Variants in NAT16 observed in about 807,000 individuals in gnomAD.
NAT16 encodes the protein probable N-acetyltransferase 16.
A neutral mutation model predicts 15.9 loss-of-function variants in NAT16; 16 were observed. The ratio of observed to expected loss-of-function variants is 1.01; its 90% CI spans 0.68 to 1.53. The LOEUF (loss-of-function observed/expected upper bound fraction) is 1.53. Ranked by LOEUF, NAT16 falls within the 40% of genes most tolerant of loss-of-function variation. The probability of loss-of-function intolerance (pLI) is 0.00; values close to 1 mark genes in which losing one functional copy is unlikely to be tolerated. For missense variants in NAT16, 572 were observed against 508.4 expected (o/e 1.13, Z -1.20); for synonymous variants, 260 against 241.9 (o/e 1.07, Z -0.69).
At chr7:101,177,558 C>A (rs1362665920) in intron 1 of NAT16, among the ~76,000 whole-genome samples, 2 of 152,078 alleles carry the variant, frequency 1.3e-5, no homozygotes, top group Non-Finnish European at 1.5e-5. Context: ...CACTATTTTG[C>A]CCAGGCTGGT....
Position 101,173,503 on chromosome 7 carries a change from C to T in NAT16, c.330G>A (p.Val110=). ...CCGTCTCCCCGGCGTCGATCACGTT[C>T]ACCGACTCCAGCGCGATCTGCGGAC... ...RNGGVIALES[V]NVIDAGETVL... Residue 110 remains valine, a synonymous_variant, in exon 3 of 4, where the codon GTG becomes GTA. Transcript: ENST00000300303. The T allele has an allele frequency of 1.2e-6, 2 of 1,602,100 alleles. No homozygotes were observed. Among genetic ancestry groups the T allele is most frequent in the Non-Finnish European group, 1.7e-6 (2 of 1,173,364 alleles).
intron 2 of NAT16, 54 bp from the exon 3 acceptor site, chr7:101,173,574 G>A (rs1797394887): frequency 6.9e-7 from 1 of 1,440,664 alleles, no homozygotes; most frequent in Non-Finnish European, 9.2e-7. Context: ...CCCTGCCAGG[G>A]CTGTCGGTTC....
At position 101,174,590 on chromosome 7, in the gene NAT16, A is replaced by T; in HGVS notation, c.218T>A (p.Ile73Asn). 3 of 1,614,102 alleles carry T rather than the reference A, an allele frequency of 1.9e-6. No homozygotes were observed. Among genetic ancestry groups the T allele is most frequent in the Non-Finnish European group, 2.5e-6 (3 of 1,179,994 alleles). ...AGGAAGGTAGTCCAGGCCGCCGTAG[A>T]TGCCCCCCGAGATGGCCAGCACTTC... ...FEEVLAISGG[I>N]YGGLDYLPSR... Residue 73 changes from isoleucine to asparagine, a missense_variant, in exon 2 of 4, where the codon ATC (isoleucine) becomes AAC (asparagine). Ile to Asn is a moderately radical substitution (Grantham distance 149, BLOSUM62 -3). Transcript: ENST00000300303.
chr7:101,175,276 A>C (rs973172097), intron 1 of NAT16, among the ~76,000 whole-genome samples: 5 of 143,096 alleles, frequency 3.5e-5, no homozygotes, highest in South Asian at 2.2e-4. Context: ...TCTTCTTCTT[A>C]TTTTTTTTTT....
chr7:101,177,011 G>C (rs534414728), intron 1 of NAT16, among the ~76,000 whole-genome samples: 1 of 152,064 alleles, frequency 6.6e-6, no homozygotes, highest in South Asian at 2.1e-4. Flanking sequence ...GCCTAAACGC[G>C]GTATGCTTGC....
At chr7:101,177,548 C>T (rs1479711809) in intron 1 of NAT16, among the ~76,000 whole-genome samples, 1 of 151,926 alleles carries the variant, frequency 6.6e-6, no homozygotes, top group Non-Finnish European at 1.5e-5. Flanking sequence ...ATGGGGGTCC[C>T]ACTATTTTGC....
In NAT16 at chr7:101,174,656, T is replaced by A; in HGVS notation, c.152A>T (p.Glu51Val). ...CGTGGCCACCACGAAGTCCAATGGC[T>A]CGGCCTCAGCCTCAGGCCCCGATCC... is the stretch of plus-strand genomic sequence containing the variant. Reference protein sequence around the residue: ...RSGSGPEAEAEPLDFVVATER... With the variant: ...RSGSGPEAEAVPLDFVVATER... The change falls in exon 2 of 4, where the codon GAG becomes GTG. Residue 51 changes from glutamate (E) to valine (V), a missense_variant. By Grantham distance (121) the Glu-to-Val change is moderately radical. Coordinates refer to ENST00000300303, the MANE Select transcript of NAT16 (RefSeq NM_198571.3). 6.2e-7 allele frequency: 1 copy of A among 1,613,808 alleles called. No homozygotes were observed. The highest frequency in any genetic ancestry group is 8.5e-7 in the Non-Finnish European group (1 of 1,179,888).
At position 101,172,040 on chromosome 7, in the gene NAT16, G is replaced by T; in HGVS notation, c.*39C>A. On this transcript the variant is annotated 3_prime_UTR_variant, in exon 4 of 4. Transcript: ENST00000300303. The surrounding 1 kb of genome is among the most constrained non-coding windows in gnomAD (Gnocchi z 4.2). ...GGCTGGCTGGGGAAACTGCGGAAGGGGGCGGGTCTTTTTCCCCCTCCCCGC... is the reference window on the plus strand; with the variant it reads ...GGCTGGCTGGGGAAACTGCGGAAGGTGGCGGGTCTTTTTCCCCCTCCCCGC... 7.1e-7 allele frequency: 1 copy of T among 1,414,668 alleles called. No homozygotes were observed. Among genetic ancestry groups the T allele is most frequent in the Non-Finnish European group, 9.8e-7 (1 of 1,015,554 alleles). The allele number at this position is 1,414,668 out of a possible 1,614,324, so 87.6% of individuals were successfully genotyped here.
Position 101,174,735 on chromosome 7 carries a change from C to A in NAT16, c.73G>T (p.Ala25Ser), listed in dbSNP as rs752553136. 9.9e-6 allele frequency: 16 copies of A among 1,608,814 alleles called. No homozygotes were observed. Among genetic ancestry groups the A allele is most frequent in the Non-Finnish European group, 1.4e-5 (16 of 1,179,122 alleles). The change falls in exon 2 of 4, where the codon GCA (alanine) becomes TCA (serine). Residue 25 changes from alanine to serine, a missense_variant. Physicochemically the swap from Ala to Ser is moderately conservative, Grantham distance 99. Transcript: ENST00000300303. The stretch of plus-strand genomic sequence containing the variant: ...GGCCGGGTTTCAGAGCTTGGCTCTG[C>A]ATCTCGGGCAGTCTTCTTTTCCGGC... ...PKPEKKTARD[A>S]EPSSETRPQE...
At chr7:101,177,486 G>T (rs1454244436) in intron 1 of NAT16, among the ~76,000 whole-genome samples, 1 of 152,096 alleles carries the variant, frequency 6.6e-6, no homozygotes, top group African/African-American at 2.4e-5. Context: ...AGGACTACAG[G>T]CATGTGCCAC....
Position 101,171,969 on chromosome 7 carries a change from A to G in NAT16, c.*110T>C. On this transcript the variant is annotated 3_prime_UTR_variant, in exon 4 of 4. Coordinates refer to ENST00000300303, the MANE Select transcript of NAT16 (RefSeq NM_198571.3). ...CGGTAAGGGCAGGAGGGCAGGAGTC[A>G]GAGGGGACTTCCCAGGAGACGCAGC... The G allele has an allele frequency of 1.3e-6, 1 of 745,400 alleles. No individual in the cohort carries two copies. Among genetic ancestry groups the G allele is most frequent in the Non-Finnish European group, 2.2e-6 (1 of 444,902 alleles). 46.2% of individuals were successfully genotyped at this position (745,400 alleles called of 1,614,324 possible). A position where few individuals can be genotyped will look rare whatever the true frequency, so the allele number is the denominator to read the frequency against.
At position 101,172,432 on chromosome 7, in the gene NAT16, C is replaced by A; in HGVS notation, c.757G>T (p.Glu253Ter). The A allele has an allele frequency of 6.3e-7, 1 of 1,593,990 alleles. No homozygotes were observed. Among genetic ancestry groups the A allele is most frequent in the Non-Finnish European group, 8.5e-7 (1 of 1,173,404 alleles). The part of the protein sequence containing the change: ...IQDWQPYRPS[E>*]SNLRLLAAKG... Reference sequence around the variant, plus strand: ...GCCGCCAGCAGGCGCAGGTTGCTTTCGCTAGGCCGGTAGGGCTGCCAGTCC... The same window carrying A: ...GCCGCCAGCAGGCGCAGGTTGCTTTAGCTAGGCCGGTAGGGCTGCCAGTCC... The change falls in exon 4 of 4, where the codon GAA becomes TAA. Residue 253 changes from glutamate (E) to a stop codon, truncating the protein, a stop_gained. Transcript: ENST00000300303. LOFTEE classifies it low-confidence loss of function (END_TRUNC). The surrounding 1 kb of genome is among the most constrained non-coding windows in gnomAD (Gnocchi z 4.2).
Position 101,171,729 on chromosome 7 carries a change from C to G in NAT16, c.*350G>C. Reference sequence around the variant, plus strand: ...GCCAGGAAAGGGGGAGTTCACGCCCCGGGTGAGGTGATGGAGAGGGAAGGA... The same window carrying G: ...GCCAGGAAAGGGGGAGTTCACGCCCGGGGTGAGGTGATGGAGAGGGAAGGA... On this transcript the variant is annotated 3_prime_UTR_variant, in exon 4 of 4. Coordinates refer to ENST00000300303, the MANE Select transcript of NAT16 (RefSeq NM_198571.3). The G allele has an allele frequency of 4.6e-6, 1 of 219,042 alleles. No individual in the cohort carries two copies. The highest frequency in any genetic ancestry group is 9.0e-6 in the Non-Finnish European group (1 of 111,678). The allele number at this position is 219,042 out of a possible 1,614,324, so 13.6% of individuals were successfully genotyped here.
chr7:101,171,807 T>G lies in NAT16; in HGVS notation c.*272A>C. 1 of 433,964 alleles carries G rather than the reference T, an allele frequency of 2.3e-6. No individual in the cohort carries two copies. The highest frequency in any genetic ancestry group is 4.1e-6 in the Non-Finnish European group (1 of 244,084). The allele number at this position is 433,964 out of a possible 1,614,324, so 26.9% of individuals were successfully genotyped here. ...GTTCTTTGGAAAAACAGAGGGTGGA[T>G]AACAGCAGCTCAAGGCCCCCACCCC... On this transcript the variant is annotated 3_prime_UTR_variant, in exon 4 of 4. Transcript: ENST00000300303.
chr7:101,175,404 C>T (rs1403638012), intron 1 of NAT16, among the ~76,000 whole-genome samples: 1 of 152,032 alleles, frequency 6.6e-6, no homozygotes, highest in East Asian at 1.9e-4. Flanking sequence ...CTCTACCTGG[C>T]CCACACCCTT....
intron 1 of NAT16, among the ~76,000 whole-genome samples, chr7:101,176,517 AAG>A (rs1491031476): frequency 3.5e-5 from 5 of 143,326 alleles, no homozygotes; most frequent in Admixed American, 7.1e-5. Flanking sequence ...AAAAAAAAAA[AAG>A]AAGAAGAAAA....
At chr7:101,175,437 C>A (rs148529196) in intron 1 of NAT16, among the ~76,000 whole-genome samples, 2,575 of 151,988 alleles carry the variant, frequency 0.017, 40 homozygotes, top group Middle Eastern at 0.051. Context: ...TCCACACAGA[C>A]CCTGGGAGTG....
At chr7:101,173,610 T>A (rs545165894) in intron 2 of NAT16, 90 bp from the exon 3 acceptor site, 1 of 1,195,918 alleles carries the variant, frequency 8.4e-7, no homozygotes, top group South Asian at 1.6e-5. Flanking sequence ...TCCCACACGC[T>A]GAGCACTCCG....
chr7:101,172,799 C>T lies in NAT16; in HGVS notation c.538-148G>A. ...GAGGAGCGACCGTGAGGGCTCCGGG[C>T]CGAGTGGGGTATGGGAAAGCCTGGG... On this transcript the variant is annotated intron_variant, in intron 3 of 3. Coordinates refer to ENST00000300303, the MANE Select transcript of NAT16 (RefSeq NM_198571.3). This position sits in a 1 kb window ranked among gnomAD's most constrained non-coding sequence, Gnocchi z 4.2. 1.5e-6 allele frequency: 1 copy of T among 648,522 alleles called. No individual in the cohort carries two copies. The highest frequency in any genetic ancestry group is 2.1e-5 in the South Asian group (1 of 48,680). 40.2% of individuals were successfully genotyped at this position (648,522 alleles called of 1,614,324 possible). A position where few individuals can be genotyped will look rare whatever the true frequency, so the allele number is the denominator to read the frequency against.
Sources: gnomAD v4.1 joint callset for allele counts (sites outside exome capture counted in the v4.1 genomes callset) on GRCh38, gnomAD v4.1.1 for gene constraint, Gnocchi (gnomAD v3.1) non-coding constraint, MANE v1.5 for transcripts, NCBI Gene and HGNC (gene_info 2026-07-23, HGNC 2026-07-21) for gene names.